Variants in XKR6 observed in about 807,000 individuals in gnomAD.
XKR6 encodes XK related 6.
A neutral mutation model predicts 56.7 loss-of-function variants in XKR6; 22 were observed. That is an observed-to-expected ratio of 0.39 (90% confidence interval 0.28 to 0.55). XKR6 has a LOEUF of 0.55. Ranked by LOEUF, XKR6 falls within the 20% of genes least tolerant of loss-of-function variation. XKR6 has a pLI of 0.66. For missense variants in XKR6, 852 were observed against 889.0 expected (o/e 0.96, Z 0.53); for synonymous variants, 524 against 387.8 (o/e 1.35, Z -4.13).
At chr8:11,125,237 C>T (rs527260655) in intron 1 of XKR6, among the ~76,000 whole-genome samples, 7 of 152,062 alleles carry the variant, frequency 4.6e-5, no homozygotes, top group Non-Finnish European at 8.8e-5. Context: ...AAGCTGAGGA[C>T]CGGAGGCGAG....
Position 11,200,739 on chromosome 8 carries a change from T to C in XKR6, c.601A>G (p.Ser201Gly). The C allele has an allele frequency of 6.3e-7, 1 of 1,592,812 alleles. No individual in the cohort carries two copies. The highest frequency in any genetic ancestry group is 8.5e-7 in the Non-Finnish European group (1 of 1,172,562). The change falls in exon 1 of 3, where the codon AGC becomes GGC. Residue 201 changes from serine to glycine, a missense_variant. This residue lies in a region of XKR6 where 417 missense variants were observed against 355.2 expected (regional missense o/e 1.17). Coordinates refer to ENST00000416569, the MANE Select transcript of XKR6 (RefSeq NM_173683.4). This position sits in a 1 kb window ranked among gnomAD's most constrained non-coding sequence, Gnocchi z 6.4. ...GCCCCCATCATGGGGGGGCCCCGGC[T>C]GGTGAGCCCCTCCACGGCGCCCAGC... ...GGLGAVEGLT[S>G]RGPPMMGAGY... is the part of the protein sequence containing the mutation.
intron 2 of XKR6, among the ~76,000 whole-genome samples, chr8:10,912,246 G>T (rs968452238): frequency 2.1e-5 from 3 of 141,064 alleles, no homozygotes; most frequent in African/African-American, 7.8e-5. Context: ...GAGAGAGAGG[G>T]TGTGTGTGTA....
intron 2 of XKR6, among the ~76,000 whole-genome samples, chr8:10,909,518 G>T (rs1800287056): frequency 6.6e-6 from 1 of 152,146 alleles, no homozygotes; most frequent in African/African-American, 2.4e-5. Flanking sequence ...GGCAGAGCAG[G>T]GATTTGGTTT....
intron 2 of XKR6, among the ~76,000 whole-genome samples, chr8:10,910,281 A>G (rs189516643): frequency 6.5e-5 from 4 of 61,390 alleles, no homozygotes; most frequent in African/African-American, 2.8e-4. Flanking sequence ...AATGTTCTAA[A>G]TCAATTAAAA....
At chr8:10,991,499 G>T (rs570479920) in intron 1 of XKR6, among the ~76,000 whole-genome samples, 75 of 152,270 alleles carry the variant, frequency 4.9e-4, no homozygotes, top group African/African-American at 1.7e-3. Context: ...GGATGTTAAG[G>T]CCGGAACACG....
chr8:11,153,237 A>G (rs1253782365), intron 1 of XKR6, among the ~76,000 whole-genome samples: 3 of 152,158 alleles, frequency 2.0e-5, no homozygotes, highest in Non-Finnish European at 4.4e-5. Context: ...ACTACTCCCA[A>G]TTGACCCAAA....
chr8:10,930,623 G>T (rs762823186), intron 1 of XKR6, among the ~76,000 whole-genome samples: 3 of 152,128 alleles, frequency 2.0e-5, no homozygotes, highest in Middle Eastern at 3.2e-3. Flanking sequence ...GTTTATCCTG[G>T]GAATGAAAGG....
chr8:11,104,102 G>A (rs1367023697), intron 1 of XKR6, among the ~76,000 whole-genome samples: 2 of 152,154 alleles, frequency 1.3e-5, no homozygotes, highest in Non-Finnish European at 2.9e-5. Flanking sequence ...TCATAGCCCA[G>A]GGTTTAATAA....
intron 1 of XKR6, among the ~76,000 whole-genome samples, chr8:11,197,794 C>G (rs765403541): frequency 6.0e-5 from 9 of 150,770 alleles, no homozygotes; most frequent in Non-Finnish European, 1.3e-4. Flanking sequence ...TATTTGCCAT[C>G]TTGACAGGAA....
chr8:11,180,387 C>G (rs1001436103), intron 1 of XKR6, among the ~76,000 whole-genome samples: 5 of 152,144 alleles, frequency 3.3e-5, no homozygotes, highest in South Asian at 4.1e-4. Flanking sequence ...TGGTGAGAGC[C>G]TCTCCTTGTA....
intron 1 of XKR6, among the ~76,000 whole-genome samples, chr8:11,038,997 C>A (rs1170545964): frequency 1.3e-5 from 2 of 152,204 alleles, no homozygotes; most frequent in Non-Finnish European, 1.5e-5. Flanking sequence ...CCACCCCCAG[C>A]TGCAGGGCGG....
intron 1 of XKR6, among the ~76,000 whole-genome samples, chr8:11,176,915 C>T (rs1802686702): frequency 6.6e-6 from 1 of 152,222 alleles, no homozygotes; most frequent in Admixed American, 6.5e-5. Context: ...GTGCCACTGA[C>T]AACCACTTTC....
chr8:10,951,300 G>GTGTGTGTGTGTGTGTGTGT lies in XKR6; in HGVS notation c.765-26471_765-26470insACACACACACACACACACA, dbSNP rs988183717. Reference sequence around the variant, plus strand: ...GGATAGAAAAGTGTGTGTGTGTGTGGGGGGGGGGGGCCCCCACAGTGGTGA... The same window carrying GTGTGTGTGTGTGTGTGTGT: ...GGATAGAAAAGTGTGTGTGTGTGTGGTGTGTGTGTGTGTGTGTGTGGGGGGGGGGCCCCCACAGTGGTGA... On this transcript the variant is annotated intron_variant, in intron 1 of 2. Coordinates refer to ENST00000416569, the MANE Select transcript of XKR6 (RefSeq NM_173683.4). Among the ~76,000 whole-genome samples, 396 of 122,332 alleles carry GTGTGTGTGTGTGTGTGTGT rather than the reference G, an allele frequency of 3.2e-3. 2 individuals carry two copies. The highest frequency in any genetic ancestry group is 7.3e-3 in the African/African-American group (175 of 23,824). 80.3% of individuals were successfully genotyped at this position (122,332 alleles called of 152,430 possible).
intron 1 of XKR6, among the ~76,000 whole-genome samples, chr8:11,035,485 C>A (rs983955299): frequency 2.0e-5 from 3 of 152,100 alleles, no homozygotes; most frequent in East Asian, 3.9e-4. Flanking sequence ...CTCATCACAT[C>A]TACATAAAGG....
chr8:11,116,227 T>C (rs74629639), intron 1 of XKR6, among the ~76,000 whole-genome samples: 9,370 of 152,260 alleles, frequency 0.062, 870 homozygotes, highest in African/African-American at 0.2. Flanking sequence ...TTTCAGTTCA[T>C]AGGAAGCTTC....
At chr8:11,197,501 A>C (rs902535105) in intron 1 of XKR6, among the ~76,000 whole-genome samples, 1 of 152,258 alleles carries the variant, frequency 6.6e-6, no homozygotes, top group African/African-American at 2.4e-5. Context: ...AGTGAAGCCC[A>C]ATGTGACTCC....
At chr8:11,189,441 C>A (rs1485807880) in intron 1 of XKR6, among the ~76,000 whole-genome samples, 2 of 152,184 alleles carry the variant, frequency 1.3e-5, no homozygotes, top group Non-Finnish European at 2.9e-5. Flanking sequence ...ATGGCAACAG[C>A]AACTCTTTGG....
chr8:11,135,271 C>T lies in XKR6; in HGVS notation c.764+65305G>A, dbSNP rs901888697. The stretch of plus-strand genomic sequence containing the variant: ...GTCTTGATCTCCTGACCTCGTGATC[C>T]GCCAGTCTCAGCCTCCCAAAGTGCT... On this transcript the variant is annotated intron_variant, in intron 1 of 2. Transcript: ENST00000416569. Among the ~76,000 whole-genome samples the T allele has an allele frequency of 1.1e-4, 16 of 152,006 alleles. 1 individual carries two copies. Among genetic ancestry groups the T allele is most frequent in the South Asian group, 4.2e-4 (2 of 4,816 alleles).
chr8:11,160,716 T>G lies in XKR6; in HGVS notation c.764+39860A>C, dbSNP rs372935705. ...CGAGGTCAAGAGATCGAGACCAGCC[T>G]GGCCAACAGGCTGAAACCCCGTCTC... is the stretch of plus-strand genomic sequence containing the variant. On this transcript the variant is annotated intron_variant, in intron 1 of 2. Transcript: ENST00000416569. Among the ~76,000 whole-genome samples the G allele has an allele frequency of 3.1e-3, 468 of 152,174 alleles. 23 individuals are homozygous for G. In the South Asian group the frequency reaches 0.091, roughly 29 times the overall value.
Sources: allele counts gnomAD v4.1 joint callset (sites outside exome capture counted in the v4.1 genomes callset), GRCh38; gene constraint gnomAD v4.1.1; regional missense constraint gnomAD v4.1.1; non-coding constraint Gnocchi (gnomAD v3.1); transcripts MANE v1.5; gene names NCBI Gene and HGNC (gene_info 2026-07-23, HGNC 2026-07-21).